ZFPM1: variants seen among roughly 807,000 people sequenced by gnomAD.
ZFPM1 encodes zinc finger protein ZFPM1.
In ZFPM1, 28 loss-of-function variants were observed where a neutral mutation model predicts 46.3. The ratio of observed to expected loss-of-function variants is 0.60; its 90% CI spans 0.45 to 0.83. ZFPM1 has a LOEUF of 0.83. Ranked by LOEUF, ZFPM1 falls within the 40% of genes least tolerant of loss-of-function variation. The pLI, the probability that ZFPM1 is intolerant of heterozygous loss-of-function variation, is 0.00. For missense variants in ZFPM1, 1,878 were observed against 1,432.4 expected (o/e 1.31, Z -5.02); for synonymous variants, 957 against 675.9 (o/e 1.42, Z -6.45).
intron 3 of ZFPM1, among the ~76,000 whole-genome samples, chr16:88,492,974 A>G (rs1449300044): frequency 8.5e-5 from 12 of 140,928 alleles, no homozygotes; most frequent in South Asian, 2.3e-4. Context: ...GAGCTGTCCC[A>G]GGGAGCAGAG....
chr16:88,494,307 C>T (rs1421513284), intron 3 of ZFPM1, among the ~76,000 whole-genome samples: 1 of 152,146 alleles, frequency 6.6e-6, no homozygotes, highest in African/African-American at 2.4e-5. Flanking sequence ...TGGCAGTCAC[C>T]ATGGCCTCAT....
intron 2 of ZFPM1, among the ~76,000 whole-genome samples, chr16:88,487,763 TGGCA>T (rs940919955): frequency 7.6e-4 from 115 of 152,238 alleles, no homozygotes; most frequent in African/African-American, 2.7e-3. Flanking sequence ...CCCCTTTTTC[TGGCA>T]GGCAGCAGGC....
At chr16:88,459,449 C>A (rs112202421) in intron 1 of ZFPM1, among the ~76,000 whole-genome samples, 1 of 152,150 alleles carries the variant, frequency 6.6e-6, no homozygotes, top group African/African-American at 2.4e-5. Context: ...GTACCTGCCC[C>A]CTGAGCACTG....
At chr16:88,507,557 G>A (rs373766371) in intron 3 of ZFPM1, among the ~76,000 whole-genome samples, 15 of 152,328 alleles carry the variant, frequency 9.8e-5, no homozygotes, top group Non-Finnish European at 1.8e-4. Context: ...TTGGCTGGAC[G>A]GGGTATGACT....
At chr16:88,526,271 C>A (rs1347765621) in intron 4 of ZFPM1, among the ~76,000 whole-genome samples, 1 of 152,200 alleles carries the variant, frequency 6.6e-6, no homozygotes, top group Non-Finnish European at 1.5e-5. Context: ...GACACTGAGG[C>A]CCGAGGGTTG....
chr16:88,489,951 G>A (rs1909465104), intron 3 of ZFPM1, among the ~76,000 whole-genome samples: 1 of 150,336 alleles, frequency 6.7e-6, no homozygotes, highest in Admixed American at 6.6e-5. Flanking sequence ...AGGGGGCCCA[G>A]CAGAGGCGGG....
At chr16:88,475,000 GC>G (rs996338709) in intron 1 of ZFPM1, among the ~76,000 whole-genome samples, 1 of 152,258 alleles carries the variant, frequency 6.6e-6, no homozygotes, top group Non-Finnish European at 1.5e-5. Context: ...CTGACCTGAG[GC>G]CCGTGCTGGG....
At chr16:88,477,227 G>C (rs1433231648) in intron 1 of ZFPM1, among the ~76,000 whole-genome samples, 2 of 152,272 alleles carry the variant, frequency 1.3e-5, no homozygotes, top group East Asian at 3.8e-4. Context: ...CACGTGGGCT[G>C]GGCGTGTGGG....
At chr16:88,459,532 C>G (rs1014991419) in intron 1 of ZFPM1, among the ~76,000 whole-genome samples, 1 of 145,178 alleles carries the variant, frequency 6.9e-6, no homozygotes, top group African/African-American at 2.6e-5. Context: ...CTACCCTTCT[C>G]CTTCCTCCCC....
intron 4 of ZFPM1, among the ~76,000 whole-genome samples, chr16:88,518,903 G>C (rs529694964): frequency 6.7e-6 from 1 of 148,220 alleles, no homozygotes; most frequent in East Asian, 2.0e-4. Flanking sequence ...TGGATGGATG[G>C]AAGGATGGAT....
chr16:88,533,932 G>T lies in ZFPM1; in HGVS notation c.1974G>T (p.Ala658=). 1 of 1,252,628 alleles carries T rather than the reference G, an allele frequency of 8.0e-7. No individual in the cohort carries two copies. Among genetic ancestry groups the T allele is most frequent in the Non-Finnish European group, 1.0e-6 (1 of 978,920 alleles). The allele number at this position is 1,252,628 out of a possible 1,614,324, so 77.6% of individuals were successfully genotyped here. A position where few individuals can be genotyped will look rare whatever the true frequency, so the allele number is the denominator to read the frequency against. The change falls in exon 10 of 10, where the codon GCG becomes GCT. Residue 658 remains alanine (A), a synonymous_variant. Coordinates refer to ENST00000319555, the MANE Select transcript of ZFPM1 (RefSeq NM_153813.3). The stretch of plus-strand genomic sequence containing the variant: ...GCGCGGCCACGCCCGAGGACGGCGC[G>T]GGCGGCCGGGGCAGCGAGGGCAGCC... ...AGGAATPEDG[A]GGRGSEGSQS... is the part of the protein sequence containing the mutation.
intron 1 of ZFPM1, among the ~76,000 whole-genome samples, chr16:88,468,411 G>A (rs911758351): frequency 2.0e-5 from 3 of 152,232 alleles, no homozygotes; most frequent in Non-Finnish European, 2.9e-5. Context: ...ATAAGAAGTC[G>A]CTCTCAACAG....
rs1913135131 is a variant in ZFPM1, at chr16:88,534,625, G to T, written c.2667G>T (p.Gly889=). 1 of 1,111,204 alleles carries T rather than the reference G, an allele frequency of 9.0e-7. No homozygotes were observed. 68.8% of individuals were successfully genotyped at this position (1,111,204 alleles called of 1,614,324 possible). ...LLLGAPLAGP[G]VEARTPADRG... ...TCGGCGCGCCCCTGGCCGGCCCGGG[G>T]GTCGAGGCCCGGACGCCGGCCGACC... Residue 889 remains glycine (G), a synonymous_variant, in exon 10 of 10, where the codon GGG becomes GGT. Coordinates refer to ENST00000319555, the MANE Select transcript of ZFPM1 (RefSeq NM_153813.3).
Position 88,453,622 on chromosome 16 carries a change from C to T in ZFPM1, c.-17C>T, listed in dbSNP as rs1255252214. On this transcript the variant is annotated 5_prime_UTR_variant, in exon 1 of 10. Coordinates refer to ENST00000319555, the MANE Select transcript of ZFPM1 (RefSeq NM_153813.3). ...GGGCTAGAGGCGGCCGCCGGGAGGG[C>T]GCGCGGCGCCGGAGACATGTCCAGG... 3.6e-6 allele frequency: 4 copies of T among 1,111,946 alleles called. No individual in the cohort carries two copies. Among genetic ancestry groups the T allele is most frequent in the African/African-American group, 3.4e-5 (2 of 59,380 alleles). 68.9% of individuals were successfully genotyped at this position (1,111,946 alleles called of 1,614,324 possible).
intron 1 of ZFPM1, among the ~76,000 whole-genome samples, chr16:88,476,439 G>C (rs1908690822): frequency 6.6e-6 from 1 of 152,170 alleles, no homozygotes; most frequent in South Asian, 2.1e-4. Flanking sequence ...GGGCCGCCAA[G>C]TGGCAGGGCG....
intron 3 of ZFPM1, among the ~76,000 whole-genome samples, chr16:88,503,423 G>T (rs1910485653): frequency 7.8e-6 from 1 of 128,242 alleles, no homozygotes; most frequent in Non-Finnish European, 1.6e-5. Flanking sequence ...TGTCTGGGGG[G>T]CCCACGGTTC....
At position 88,480,298 on chromosome 16, in the gene ZFPM1, C is replaced by T. The variant is rs1375277539; in HGVS notation, c.41-5641C>T. ...ACTTTTTGGGGGATGGGGCTGGTCA[C>T]TGCAGGATCTCTGGCACCTCGTGAG... is the stretch of plus-strand genomic sequence containing the variant. On this transcript the variant is annotated intron_variant, in intron 1 of 9. Transcript: ENST00000319555. The surrounding 1 kb of genome is among the most constrained non-coding windows in gnomAD (Gnocchi z 4.9). 6.6e-6 allele frequency among the ~76,000 whole-genome samples: 1 copy of T among 152,174 alleles called. No homozygotes were observed. Among genetic ancestry groups the T allele is most frequent in the Non-Finnish European group, 1.5e-5 (1 of 68,042 alleles).
intron 3 of ZFPM1, among the ~76,000 whole-genome samples, chr16:88,499,502 G>A (rs58889643): frequency 0.04 from 6,094 of 152,266 alleles, 427 homozygotes; most frequent in African/African-American, 0.14. Flanking sequence ...TGGGAGCAGC[G>A]AAGGGGCCAG....
In ZFPM1 at chr16:88,486,324, C is replaced by G. The variant is rs115084042; in HGVS notation, c.145+281C>G. Among the ~76,000 whole-genome samples, 540 of 152,326 alleles carry G rather than the reference C, an allele frequency of 3.5e-3. 5 individuals are homozygous for G. Among genetic ancestry groups the G allele is most frequent in the African/African-American group, 0.013 (520 of 41,564 alleles). On this transcript the variant is annotated intron_variant, in intron 2 of 9. Transcript: ENST00000319555. ...AAGGCCCAGATGGGGCAGGTCTGGC[C>G]CTGGGTTGGATGGGAATCCATGCCC...
Sources: gnomAD v4.1 joint callset for allele counts (sites outside exome capture counted in the v4.1 genomes callset) on GRCh38, gnomAD v4.1.1 for gene constraint, Gnocchi (gnomAD v3.1) non-coding constraint, MANE v1.5 for transcripts, NCBI Gene and HGNC (gene_info 2026-07-23, HGNC 2026-07-21) for gene names.